The following PRKN variants were observed in gnomAD, a reference collection of about 807,000 sequenced individuals.
The protein encoded by PRKN is E3 ubiquitin-protein ligase parkin.
PRKN carries 56 observed loss-of-function variants against 59.5 expected under a neutral mutation model. The observed-to-expected ratio is 0.94, with a 90% confidence interval of 0.76 to 1.18. PRKN has a LOEUF of 1.18. Among genes scored for constraint, PRKN ranks in the 50% most tolerant of loss-of-function variants. The pLI, the probability that PRKN is intolerant of heterozygous loss-of-function variation, is 0.00. For synonymous variants in PRKN, 250 were observed against 222.1 expected, an observed-to-expected ratio of 1.13 and a Z score of -1.12; for missense variants, 657 against 596.4, an observed-to-expected ratio of 1.10 and a Z score of -1.06.
chr6:162,276,777 C>T (rs1258266493), intron 2 of PRKN, among the ~76,000 whole-genome samples: 6 of 151,674 alleles, frequency 4.0e-5, no homozygotes, highest in South Asian at 2.1e-4. Flanking sequence ...ATACTTTTTT[C>T]GCTTAATTTC....
At chr6:162,185,761 A>G (rs1229832291) in intron 4 of PRKN, among the ~76,000 whole-genome samples, 1 of 152,192 alleles carries the variant, frequency 6.6e-6, no homozygotes, top group East Asian at 1.9e-4. Flanking sequence ...TGGCCTCAAC[A>G]AAGATGGAGC....
chr6:161,794,389 C>T (rs1583172810), intron 6 of PRKN, among the ~76,000 whole-genome samples: 1 of 152,062 alleles, frequency 6.6e-6, no homozygotes, highest in African/African-American at 2.4e-5. Context: ...TGAATTCTCA[C>T]GAGCGTCTGT....
chr6:162,320,656 C>A (rs74717862), intron 2 of PRKN, among the ~76,000 whole-genome samples: 1 of 151,568 alleles, frequency 6.6e-6, no homozygotes, highest in South Asian at 2.1e-4. Flanking sequence ...ATAACCACTA[C>A]AAAAACAGTT....
chr6:161,545,606 C>T lies in PRKN; in HGVS notation c.1083+3248G>A, dbSNP rs188994940. 2.0e-4 allele frequency among the ~76,000 whole-genome samples: 31 copies of T among 152,214 alleles called. No homozygotes were observed. The East Asian group carries it at 6.0e-3, about 29-fold the overall frequency. The stretch of plus-strand genomic sequence containing the variant: ...TGGGCAGCTTACAAGGTTATACAAA[C>T]CACAGCAAAACAACATGTATCAGGA... On this transcript the variant is annotated intron_variant, in intron 9 of 11. Coordinates refer to ENST00000366898, the MANE Select transcript of PRKN (RefSeq NM_004562.3). The surrounding 1 kb of genome is among the most constrained non-coding windows in gnomAD (Gnocchi z 4.1).
rs1781215454 is a variant in PRKN, at chr6:161,578,391, CCAGA to C, written c.872-8979_872-8976del. Among the ~76,000 whole-genome samples, 1 of 152,172 alleles carries C rather than the reference CCAGA, an allele frequency of 6.6e-6. No homozygotes were observed. The highest frequency in any genetic ancestry group is 2.1e-4 in the South Asian group (1 of 4,828). ...CAAGAAACTCCTGCAAATAATTTAA[CCAGA>C]CAGTTTGCTCATCTGAGTAGCCATC... On this transcript the variant is annotated intron_variant, in intron 7 of 11. Transcript: ENST00000366898. The surrounding 1 kb of genome is among the most constrained non-coding windows in gnomAD (Gnocchi z 4.2).
chr6:162,479,227 C>CT lies in PRKN; in HGVS notation c.8-35755dup, dbSNP rs202042832. The stretch of plus-strand genomic sequence containing the variant: ...TTAAAAAAAAAAACAACCTTTAAAA[C>CT]TTTTTTCTTTTTTTTTGAGACGGTG... On this transcript the variant is annotated intron_variant, in intron 1 of 11. Coordinates refer to ENST00000366898, the MANE Select transcript of PRKN (RefSeq NM_004562.3). 4.9e-3 allele frequency among the ~76,000 whole-genome samples: 741 copies of CT among 151,242 alleles called. 7 individuals are homozygous for CT. Among genetic ancestry groups the CT allele is most frequent in the African/African-American group, 0.017 (720 of 41,184 alleles).
At chr6:162,097,808 C>T (rs1017756693) in intron 4 of PRKN, among the ~76,000 whole-genome samples, 4 of 152,194 alleles carry the variant, frequency 2.6e-5, no homozygotes, top group Non-Finnish European at 5.9e-5. Flanking sequence ...GAGAGAATTA[C>T]AATGTTGACA....
At chr6:161,350,653 A>T (rs1434069747) in intron 11 of PRKN, among the ~76,000 whole-genome samples, 4 of 98,922 alleles carry the variant, frequency 4.0e-5, no homozygotes, top group African/African-American at 1.7e-4. Flanking sequence ...AAATATATAT[A>T]TTTTTATATA....
chr6:162,271,393 A>AT (rs1297432750), intron 2 of PRKN: 1 of 152,036 alleles, frequency 6.6e-6, no homozygotes, highest in Non-Finnish European at 1.5e-5. Context: ...ATTAAAAAAA[A>AT]TTAGCCAGAC....
intron 5 of PRKN, among the ~76,000 whole-genome samples, chr6:162,005,261 G>A (rs568618388): frequency 6.6e-6 from 1 of 152,130 alleles, no homozygotes; most frequent in African/African-American, 2.4e-5. Flanking sequence ...CTCTTTATTG[G>A]TAATAAAAGA....
intron 6 of PRKN, among the ~76,000 whole-genome samples, chr6:161,831,722 T>C (rs763513602): frequency 6.6e-6 from 1 of 152,206 alleles, no homozygotes; most frequent in Non-Finnish European, 1.5e-5. Context: ...TTTAATCATA[T>C]TGTGCAGGTA....
chr6:161,680,756 TATATATATATATATATATA>T (rs1464055888), intron 7 of PRKN, among the ~76,000 whole-genome samples: 806 of 19,510 alleles, frequency 0.041, 22 homozygotes, highest in East Asian at 0.052. Flanking sequence ...TATATATATA[TATATATATATATATATATA>T]TTTTTTTTTT....
chr6:161,605,978 A>G (rs924560499), intron 7 of PRKN, among the ~76,000 whole-genome samples: 9 of 152,164 alleles, frequency 5.9e-5, no homozygotes, highest in Non-Finnish European at 2.9e-5. Flanking sequence ...TCAGGAACCA[A>G]CCATAAGCTC....
chr6:162,264,300 T>A (rs1250441020), intron 2 of PRKN, among the ~76,000 whole-genome samples: 1 of 151,922 alleles, frequency 6.6e-6, no homozygotes, highest in African/African-American at 2.4e-5. Flanking sequence ...TTAAATTAAA[T>A]TAAATACAAA....
intron 1 of PRKN, among the ~76,000 whole-genome samples, chr6:162,494,133 C>A (rs1202652838): frequency 6.6e-6 from 1 of 152,192 alleles, no homozygotes; most frequent in Non-Finnish European, 1.5e-5. Flanking sequence ...CTCCATGTCT[C>A]CCATTGTGGT....
At chr6:161,687,683 C>T (rs1214446767) in intron 7 of PRKN, among the ~76,000 whole-genome samples, 2 of 151,734 alleles carry the variant, frequency 1.3e-5, no homozygotes, top group Non-Finnish European at 2.9e-5. Context: ...TCTCGAACTG[C>T]TAGACCTGAT....
chr6:162,150,384 T>A (rs576099264), intron 4 of PRKN, among the ~76,000 whole-genome samples: 2 of 152,182 alleles, frequency 1.3e-5, no homozygotes, highest in African/African-American at 4.8e-5. Flanking sequence ...CTCCAGAGCA[T>A]GAGGGTACAA....
intron 1 of PRKN, among the ~76,000 whole-genome samples, chr6:162,492,886 G>C (rs897383012): frequency 1.3e-5 from 2 of 151,476 alleles, no homozygotes; most frequent in Admixed American, 1.3e-4. Context: ...CCGGGAGGCG[G>C]AGGTTGTAGT....
chr6:161,699,877 C>T (rs924685742), intron 7 of PRKN, among the ~76,000 whole-genome samples: 3 of 152,148 alleles, frequency 2.0e-5, no homozygotes, highest in Non-Finnish European at 4.4e-5. Flanking sequence ...TCAACTATTT[C>T]CAAATTACAT....
Sources: gnomAD v4.1 joint callset for allele counts (sites outside exome capture counted in the v4.1 genomes callset) on GRCh38, gnomAD v4.1.1 for gene constraint, Gnocchi (gnomAD v3.1) non-coding constraint, MANE v1.5 for transcripts, NCBI Gene and HGNC (gene_info 2026-07-23, HGNC 2026-07-21) for gene names.